Variants in GRIP1 observed in about 807,000 individuals in gnomAD.
GRIP1 encodes glutamate receptor-interacting protein 1.
Under a neutral mutation model 129.9 loss-of-function variants are expected in GRIP1, and 45 were observed. The observed-to-expected ratio is 0.35, with a 90% CI of 0.27 to 0.44. The LOEUF (loss-of-function observed/expected upper bound fraction) is 0.44, where lower values mean the gene tolerates loss of function less well. GRIP1 is among the 20% of genes least tolerant of loss of function. The pLI, the probability that GRIP1 is intolerant of heterozygous loss-of-function variation, is 1.00. For synonymous variants in GRIP1, 530 were observed against 520.8 expected, an observed-to-expected ratio of 1.02 and a Z score of -0.24; for missense variants, 1,196 against 1,396.8, an observed-to-expected ratio of 0.86 and a Z score of 2.29.
chr12:66,658,372 A>T (rs1213878307), intron 1 of GRIP1, among the ~76,000 whole-genome samples: 1 of 152,210 alleles, frequency 6.6e-6, no homozygotes, highest in Non-Finnish European at 1.5e-5. Flanking sequence ...GGTAGTAATT[A>T]AAATTGTAGT....
At chr12:66,654,889 G>A (rs1000777198) in intron 1 of GRIP1, among the ~76,000 whole-genome samples, 5 of 152,154 alleles carry the variant, frequency 3.3e-5, no homozygotes, top group African/African-American at 1.2e-4. Context: ...TGCCACTAAA[G>A]CAATGGTGAA....
Position 66,348,987 on chromosome 12 carries a change from T to C in GRIP1, c.*32A>G, listed in dbSNP as rs771808186. 1.1e-5 allele frequency: 15 copies of C among 1,397,268 alleles called. No individual in the cohort carries two copies. Among genetic ancestry groups the C allele is most frequent in the Admixed American group, 6.7e-5 (4 of 59,734 alleles). The allele number at this position is 1,397,268 out of a possible 1,614,324, so 86.6% of individuals were successfully genotyped here. ...AAGGATTTTTAGCACCATGTAGATA[T>C]TGTCTTTTGTCCTGCTTTATAAAAA... On this transcript the variant is annotated 3_prime_UTR_variant, in exon 25 of 25. Transcript: ENST00000359742.
intron 7 of GRIP1, among the ~76,000 whole-genome samples, chr12:66,493,271 G>C (rs890025912): frequency 6.6e-6 from 1 of 152,094 alleles, no homozygotes; most frequent in Non-Finnish European, 1.5e-5. Flanking sequence ...TTATTAGGGG[G>C]TTCAAATTGA....
At chr12:66,410,220 C>A (rs11176170) in intron 15 of GRIP1, among the ~76,000 whole-genome samples, 77,077 of 117,252 alleles carry the variant, frequency 0.66, 26,625 homozygotes, top group Non-Finnish European at 0.78. Context: ...ACTGCACTCC[C>A]GCCTGGGCGA....
At chr12:66,656,963 C>T (rs1004138824) in intron 1 of GRIP1, among the ~76,000 whole-genome samples, 2 of 152,028 alleles carry the variant, frequency 1.3e-5, no homozygotes, top group Non-Finnish European at 2.9e-5. Context: ...ATTTTCTCTA[C>T]TAGATTGACC....
intron 1 of GRIP1, among the ~76,000 whole-genome samples, chr12:66,856,616 G>GA (rs1401976093): frequency 6.6e-6 from 1 of 151,668 alleles, no homozygotes; most frequent in African/African-American, 2.4e-5. Context: ...ACAGACCCAT[G>GA]AAAAAATGCT....
intron 1 of GRIP1, among the ~76,000 whole-genome samples, chr12:67,023,877 C>G (rs141826007): frequency 6.6e-6 from 1 of 152,224 alleles, no homozygotes; most frequent in African/African-American, 2.4e-5. Context: ...AGCTAGTTCC[C>G]TCTTTTATAT....
At chr12:66,644,928 TAC>T (rs2032231890) in intron 1 of GRIP1, among the ~76,000 whole-genome samples, 2 of 152,204 alleles carry the variant, frequency 1.3e-5, no homozygotes, top group African/African-American at 2.4e-5. Flanking sequence ...TAAATTAGCA[TAC>T]AGTCTTTAAA....
intron 2 of GRIP1, 67 bp from the exon 3 acceptor site, chr12:66,542,017 C>T (rs759434621): frequency 7.0e-7 from 1 of 1,436,172 alleles, no homozygotes. Flanking sequence ...TTCTCCTCCC[C>T]AGAAGTTCTT....
intron 1 of GRIP1, among the ~76,000 whole-genome samples, chr12:66,619,264 G>A (rs1226672035): frequency 6.6e-6 from 1 of 152,064 alleles, no homozygotes; most frequent in Non-Finnish European, 1.5e-5. Context: ...TTAAAACAGA[G>A]TACAAAGCCT....
At chr12:66,988,792 C>T (rs778628441) in intron 1 of GRIP1, among the ~76,000 whole-genome samples, 1 of 152,010 alleles carries the variant, frequency 6.6e-6, no homozygotes, top group Non-Finnish European at 1.5e-5. Context: ...TCCAGTTACT[C>T]AAGAGGGAGT....
intron 1 of GRIP1, among the ~76,000 whole-genome samples, chr12:66,627,542 C>T (rs1025606289): frequency 6.6e-6 from 1 of 152,150 alleles, no homozygotes; most frequent in African/African-American, 2.4e-5. Context: ...GAGTAATATT[C>T]TTGTCTAATT....
chr12:66,524,320 C>A (rs1332158207), intron 5 of GRIP1, among the ~76,000 whole-genome samples: 8 of 152,194 alleles, frequency 5.3e-5, no homozygotes, highest in Admixed American at 4.6e-4. Context: ...CAAATTATAA[C>A]AAACTGTCCC....
chr12:66,447,448 T>C (rs1815709737), intron 11 of GRIP1, among the ~76,000 whole-genome samples: 2 of 152,210 alleles, frequency 1.3e-5, no homozygotes, highest in Non-Finnish European at 2.9e-5. Flanking sequence ...TTGTCTCAAA[T>C]GTTTCTACCC....
intron 1 of GRIP1, chr12:67,037,559 G>C (rs527845056): frequency 6.6e-6 from 1 of 151,956 alleles, no homozygotes; most frequent in Non-Finnish European, 1.5e-5. Flanking sequence ...GCATTTTGAC[G>C]AAGAGGAGTT....
intron 1 of GRIP1, among the ~76,000 whole-genome samples, chr12:67,027,074 C>T (rs541137261): frequency 6.6e-6 from 1 of 152,318 alleles, no homozygotes; most frequent in South Asian, 2.1e-4. Flanking sequence ...AGGCACACTC[C>T]ACCACACAAG....
At chr12:66,771,888 T>C (rs906661537) in intron 1 of GRIP1, among the ~76,000 whole-genome samples, 2 of 152,216 alleles carry the variant, frequency 1.3e-5, no homozygotes, top group African/African-American at 4.8e-5. Context: ...TGCCACGGTC[T>C]ATAGAAAAGT....
At chr12:67,039,774 C>T (rs1436877627) in intron 1 of GRIP1, among the ~76,000 whole-genome samples, 1 of 152,190 alleles carries the variant, frequency 6.6e-6, no homozygotes, top group Non-Finnish European at 1.5e-5. Context: ...TCCTTGCATG[C>T]ACAGTTCTAG....
chr12:66,890,331 C>T (rs1389602683), intron 1 of GRIP1, among the ~76,000 whole-genome samples: 2 of 152,192 alleles, frequency 1.3e-5, no homozygotes, highest in African/African-American at 4.8e-5. Context: ...GAACCACAAA[C>T]ATATTTTACC....
Sources: gnomAD v4.1 joint callset for allele counts (sites outside exome capture counted in the v4.1 genomes callset) on GRCh38, gnomAD v4.1.1 for gene constraint, MANE v1.5 for transcripts, NCBI Gene and HGNC (gene_info 2026-07-23, HGNC 2026-07-21) for gene names.